TRDN: variants seen among roughly 807,000 people sequenced by gnomAD.
The protein encoded by TRDN is triadin in skeletal muscle.
TRDN carries 161 observed loss-of-function variants against 149.7 expected under a neutral mutation model. The observed-to-expected ratio is 1.08, with a 90% CI of 0.95 to 1.23. The LOEUF is 1.23. TRDN is among the 50% of genes most tolerant of loss of function. The probability of loss-of-function intolerance (pLI) is 0.00; values close to 1 mark genes in which losing one functional copy is unlikely to be tolerated. For synonymous variants in TRDN, 294 were observed against 250.5 expected (o/e 1.17, Z -1.64); for missense variants, 896 against 823.5 (o/e 1.09, Z -1.08).
At chr6:123,431,871 T>A (rs898882213) in intron 12 of TRDN, among the ~76,000 whole-genome samples, 2 of 152,160 alleles carry the variant, frequency 1.3e-5, no homozygotes, top group East Asian at 3.8e-4. Context: ...TGGTAGACAA[T>A]AATATTTAAT....
In TRDN at chr6:123,559,185, T is replaced by C. The variant is rs778375039; in HGVS notation, c.233-10573A>G. 3.4e-4 allele frequency among the ~76,000 whole-genome samples: 52 copies of C among 152,206 alleles called. 1 individual carries two copies. Among genetic ancestry groups the C allele is most frequent in the Non-Finnish European group, 6.2e-4 (42 of 68,042 alleles). Reference sequence around the variant, plus strand: ...TAACTCTCACAGTGGAGGGTGAGTCTGTCCCCTTCTTAATCAAAATGAAAG... The same window carrying C: ...TAACTCTCACAGTGGAGGGTGAGTCCGTCCCCTTCTTAATCAAAATGAAAG... On this transcript the variant is annotated intron_variant, in intron 2 of 40. Transcript: ENST00000334268.
chr6:123,338,131 A>G (rs1409416451), intron 21 of TRDN, among the ~76,000 whole-genome samples: 1 of 152,208 alleles, frequency 6.6e-6, no homozygotes, highest in Non-Finnish European at 1.5e-5. Context: ...TTGAACCACT[A>G]TATCTATGCT....
rs537546042 is a variant in TRDN at position 123,357,385 on chromosome 6, G to A, written c.1322-4799C>T. Among the ~76,000 whole-genome samples the A allele has an allele frequency of 1.1e-4, 16 of 152,204 alleles. 1 individual carries two copies. The Middle Eastern group carries it at 0.01, about 97-fold the overall frequency. ...ATTTTAGGTATAGCCAATGATATAT[G>A]AGGAAAGACAAAGGAGTGGGAAAGA... On this transcript the variant is annotated intron_variant, in intron 20 of 40. Coordinates refer to ENST00000334268, the MANE Select transcript of TRDN (RefSeq NM_006073.4).
At chr6:123,243,500 C>A (rs994163070) in intron 38 of TRDN, among the ~76,000 whole-genome samples, 7 of 152,046 alleles carry the variant, frequency 4.6e-5, no homozygotes, top group African/African-American at 1.7e-4. Context: ...CAGTGAGATA[C>A]AAGAGAATTC....
At chr6:123,316,411 C>A (rs1217246806) in intron 24 of TRDN, 46 bp downstream of exon 24, 4 of 1,573,690 alleles carry the variant, frequency 2.5e-6, no homozygotes, top group South Asian at 1.1e-5. Flanking sequence ...TTCTTCCAAC[C>A]AAACAGAACA....
At chr6:123,265,859 C>A (rs1055803316) in intron 32 of TRDN, among the ~76,000 whole-genome samples, 1 of 146,322 alleles carries the variant, frequency 6.8e-6, no homozygotes, top group Non-Finnish European at 1.5e-5. Flanking sequence ...TAAAAAAAAT[C>A]GTAAAGACAT....
intron 16 of TRDN, 22 bp from the exon 17 acceptor site, chr6:123,377,920 A>G: frequency 7.2e-7 from 1 of 1,395,046 alleles, no homozygotes; most frequent in Non-Finnish European, 9.7e-7. Flanking sequence ...TATTATTGTT[A>G]TTATTATTAT....
chr6:123,528,618 A>C, intron 5 of TRDN: 1 of 985,102 alleles, frequency 1.0e-6, no homozygotes, highest in South Asian at 4.7e-5. Flanking sequence ...TCCATCACAT[A>C]CAACCATAAC....
chr6:123,263,237 A>G (rs1371670251), intron 33 of TRDN, among the ~76,000 whole-genome samples: 1 of 152,098 alleles, frequency 6.6e-6, no homozygotes, highest in Non-Finnish European at 1.5e-5. Flanking sequence ...ACTGAATAGA[A>G]GATCAAAGCA....
intron 12 of TRDN, 145 bp downstream of exon 12, chr6:123,437,918 T>G: frequency 4.6e-6 from 3 of 658,160 alleles, no homozygotes; most frequent in South Asian, 3.6e-5. Context: ...TGTTTAACTT[T>G]GTCTAGTGCA....
intron 24 of TRDN, among the ~76,000 whole-genome samples, chr6:123,299,006 G>T (rs74594059): frequency 6.6e-6 from 1 of 151,978 alleles, no homozygotes; most frequent in South Asian, 2.1e-4. Context: ...GATAGTTTTG[G>T]TCTGGAATAG....
chr6:123,593,854 T>C (rs1391220275), intron 1 of TRDN, among the ~76,000 whole-genome samples: 1 of 152,188 alleles, frequency 6.6e-6, no homozygotes, highest in East Asian at 1.9e-4. Context: ...CACCATACAA[T>C]AAAATTATCT....
At chr6:123,610,676 G>A (rs1212785527) in intron 1 of TRDN, among the ~76,000 whole-genome samples, 2 of 152,060 alleles carry the variant, frequency 1.3e-5, no homozygotes, top group Non-Finnish European at 2.9e-5. Context: ...AGCGACAGTT[G>A]GACTATGAGT....
chr6:123,225,053 A>G (rs6921911), intron 38 of TRDN, among the ~76,000 whole-genome samples: 80,997 of 151,492 alleles, frequency 0.53, 22,908 homozygotes, highest in African/African-American at 0.72. Context: ...CAACTCAATA[A>G]CAAAAAACAA....
chr6:123,267,526 C>T (rs1291572892), intron 32 of TRDN, among the ~76,000 whole-genome samples, 181 bp downstream of exon 32: 2 of 152,036 alleles, frequency 1.3e-5, no homozygotes, highest in Non-Finnish European at 2.9e-5. Flanking sequence ...GTTTGGCAAT[C>T]TATGTTTGAT....
intron 2 of TRDN, among the ~76,000 whole-genome samples, chr6:123,562,181 T>A (rs1388791573): frequency 6.6e-6 from 1 of 150,446 alleles, no homozygotes; most frequent in East Asian, 2.0e-4. Context: ...ATAACCCCCC[T>A]TTGACTGTAA....
chr6:123,305,034 T>C (rs890744270), intron 24 of TRDN, among the ~76,000 whole-genome samples: 3 of 152,170 alleles, frequency 2.0e-5, no homozygotes, highest in African/African-American at 7.2e-5. Context: ...AATATGGTTA[T>C]TTACAAAAGT....
chr6:123,237,666 G>A (rs976261109), intron 38 of TRDN, among the ~76,000 whole-genome samples: 4 of 152,122 alleles, frequency 2.6e-5, no homozygotes, highest in Non-Finnish European at 5.9e-5. Context: ...CTTTCCAAAT[G>A]TGTTAATTTT....
chr6:123,459,350 C>A (rs112066313), intron 10 of TRDN, among the ~76,000 whole-genome samples: 7 of 152,270 alleles, frequency 4.6e-5, no homozygotes, highest in East Asian at 1.9e-4. Flanking sequence ...GAGATCTGGG[C>A]ATCTATTCTC....
Sources: gnomAD v4.1 joint callset for allele counts (sites outside exome capture counted in the v4.1 genomes callset) on GRCh38, gnomAD v4.1.1 for gene constraint, MANE v1.5 for transcripts, NCBI Gene and HGNC (gene_info 2026-07-23, HGNC 2026-07-21) for gene names.